The following UBE2K variants were observed in gnomAD, a reference collection of about 807,000 sequenced individuals.
UBE2K encodes the protein ubiquitin conjugating enzyme E2 K.
Under a neutral mutation model 30.0 loss-of-function variants are expected in UBE2K, and 6 were observed. The observed-to-expected ratio is 0.20, with a 90% CI of 0.11 to 0.39. UBE2K has a LOEUF of 0.39. Ranked by LOEUF, UBE2K falls within the 10% of genes least tolerant of loss-of-function variation. The pLI, the probability that UBE2K is intolerant of heterozygous loss-of-function variation, is 1.00. For synonymous variants in UBE2K, 86 were observed against 83.7 expected (o/e 1.03, Z -0.15); for missense variants, 61 against 241.6 (o/e 0.25, Z 4.96).
chr4:39,739,194 A>ATTTTTTTTGTAT (rs1720539368), intron 2 of UBE2K, among the ~76,000 whole-genome samples: 2 of 148,750 alleles, frequency 1.3e-5, no homozygotes, highest in Admixed American at 1.3e-4. Flanking sequence ...TGCCCGGCTA[A>ATTTTTTTTGTAT]TTTTTTTTGT....
At chr4:39,752,728 G>A (rs1721334789) in intron 3 of UBE2K, among the ~76,000 whole-genome samples, 1 of 152,086 alleles carries the variant, frequency 6.6e-6, no homozygotes, top group African/African-American at 2.4e-5. Flanking sequence ...GTAAATAGAG[G>A]TTGATTATTC....
At chr4:39,698,940 G>A (rs1240712565) in intron 1 of UBE2K, among the ~76,000 whole-genome samples, 1 of 152,198 alleles carries the variant, frequency 6.6e-6, no homozygotes, top group African/African-American at 2.4e-5. Flanking sequence ...CTTCTTAGTT[G>A]GGTGTTAGGA....
At chr4:39,706,039 TCTCG>T (rs1257693203) in intron 1 of UBE2K, among the ~76,000 whole-genome samples, 5 of 151,792 alleles carry the variant, frequency 3.3e-5, no homozygotes, top group Admixed American at 3.3e-4. Flanking sequence ...TGAGACGGAG[TCTCG>T]CTCTGTCACC....
chr4:39,720,128 A>C (rs1230082479), intron 1 of UBE2K, among the ~76,000 whole-genome samples: 2 of 152,184 alleles, frequency 1.3e-5, no homozygotes, highest in Non-Finnish European at 2.9e-5. Flanking sequence ...AGCTCTAGAG[A>C]GCTCATCCCC....
At chr4:39,745,621 C>G in intron 2 of UBE2K, 131 bp from the exon 3 acceptor site, 1 of 645,066 alleles carries the variant, frequency 1.6e-6, no homozygotes, top group African/African-American at 1.9e-5. Flanking sequence ...TACTTTCTTT[C>G]TGGATTTCAA....
At chr4:39,736,758 T>G (rs980513207) in intron 1 of UBE2K, among the ~76,000 whole-genome samples, 1 of 152,238 alleles carries the variant, frequency 6.6e-6, no homozygotes, top group Non-Finnish European at 1.5e-5. Flanking sequence ...AGTAGAAATC[T>G]GGTTTTTTGA....
At chr4:39,752,335 CTTTTTTTT>C (rs57289268) in intron 3 of UBE2K, among the ~76,000 whole-genome samples, 3 of 64,114 alleles carry the variant, frequency 4.7e-5, no homozygotes, top group South Asian at 6.7e-4. Context: ...CTTTTTTTTT[CTTTTTTTT>C]TTTTTTTTTT....
At chr4:39,703,844 CAA>C (rs33995934) in intron 1 of UBE2K, among the ~76,000 whole-genome samples, 1,691 of 105,184 alleles carry the variant, frequency 0.016, 22 homozygotes, top group African/African-American at 0.046. Context: ...GACTCCATCT[CAA>C]AAAAAAAAAA....
At chr4:39,735,547 A>T (rs1046898140) in intron 1 of UBE2K, among the ~76,000 whole-genome samples, 1 of 152,000 alleles carries the variant, frequency 6.6e-6, no homozygotes, top group Non-Finnish European at 1.5e-5. Context: ...CACCTGGCTA[A>T]TTTTTTTGTA....
intron 1 of UBE2K, among the ~76,000 whole-genome samples, chr4:39,722,341 T>C (rs1481312263): frequency 6.6e-6 from 1 of 152,218 alleles, no homozygotes; most frequent in Non-Finnish European, 1.5e-5. Context: ...CAAGTGATGT[T>C]GTATACTTCA....
intron 2 of UBE2K, among the ~76,000 whole-genome samples, chr4:39,740,862 C>CAAAA (rs57382171): frequency 1.4e-5 from 1 of 69,778 alleles, no homozygotes; most frequent in Non-Finnish European, 3.3e-5. Flanking sequence ...GACTCCGTCT[C>CAAAA]AAAAAAAAAA....
intron 1 of UBE2K, among the ~76,000 whole-genome samples, chr4:39,699,880 G>A (rs1717911676): frequency 6.6e-6 from 1 of 152,170 alleles, no homozygotes; most frequent in African/African-American, 2.4e-5. Flanking sequence ...ACTCTGAATG[G>A]AAGGATGACT....
At chr4:39,725,550 C>G (rs73808492) in intron 1 of UBE2K, among the ~76,000 whole-genome samples, 248 of 152,226 alleles carry the variant, frequency 1.6e-3, no homozygotes, top group African/African-American at 5.8e-3. Context: ...TTTTCACTTC[C>G]CTTGGGTCAG....
chr4:39,749,562 T>C (rs1721148563), intron 3 of UBE2K, among the ~76,000 whole-genome samples: 1 of 152,040 alleles, frequency 6.6e-6, no homozygotes, highest in African/African-American at 2.4e-5. Context: ...GCCTGTAGTC[T>C]CAGCTACTCA....
intron 1 of UBE2K, among the ~76,000 whole-genome samples, chr4:39,703,182 G>A (rs549181119): frequency 6.6e-6 from 1 of 152,122 alleles, no homozygotes; most frequent in Admixed American, 6.5e-5. Context: ...GTAGAGACGG[G>A]GGTTTCACCA....
chr4:39,729,983 A>G (rs1238500739), intron 1 of UBE2K, among the ~76,000 whole-genome samples: 2 of 152,252 alleles, frequency 1.3e-5, no homozygotes, highest in African/African-American at 4.8e-5. Flanking sequence ...TTTAAAAATT[A>G]TATAATTAGT....
At chr4:39,755,768 C>A in intron 4 of UBE2K, 29 bp downstream of exon 4, 1 of 1,486,680 alleles carries the variant, frequency 6.7e-7, no homozygotes, top group South Asian at 1.2e-5. Flanking sequence ...ACCTTCTCTC[C>A]TTCTCATATG....
At position 39,779,940 on chromosome 4, in the gene UBE2K, C is replaced by T. The variant is rs1381307239; in HGVS notation, c.*1506C>T. On this transcript the variant is annotated 3_prime_UTR_variant, in exon 7 of 7. Transcript: ENST00000261427. Reference sequence around the variant, plus strand: ...TTGAATCATAACGTCAGCATAACTTCATTTGACTTCTCAATAATCTTGATA... The same window carrying T: ...TTGAATCATAACGTCAGCATAACTTTATTTGACTTCTCAATAATCTTGATA... The T allele has an allele frequency of 6.6e-6, 1 of 152,066 alleles. No homozygotes were observed. The highest frequency in any genetic ancestry group is 1.5e-5 in the Non-Finnish European group (1 of 67,986). The allele number at this position is 152,066 out of a possible 1,614,324, so 9.4% of individuals were successfully genotyped here. A position where few individuals can be genotyped will look rare whatever the true frequency, so the allele number is the denominator to read the frequency against.
chr4:39,714,550 A>ATATATATTTTTT, intron 1 of UBE2K: 1 of 17,842 alleles, frequency 5.6e-5, no homozygotes, highest in Non-Finnish European at 8.7e-5. Context: ...ATATATATAT[A>ATATATATTTTTT]TTTTTTTTTT....
Sources: gnomAD v4.1 joint callset for allele counts (sites outside exome capture counted in the v4.1 genomes callset) on GRCh38, gnomAD v4.1.1 for gene constraint, MANE v1.5 for transcripts, NCBI Gene and HGNC (gene_info 2026-07-23, HGNC 2026-07-21) for gene names.